The following PHKB variants were observed in gnomAD, a reference collection of about 807,000 sequenced individuals.
The protein encoded by PHKB is phosphorylase b kinase regulatory subunit beta.
In PHKB, 122 loss-of-function variants were observed where a neutral mutation model predicts 152.1. That is an observed-to-expected ratio of 0.80 (90% confidence interval 0.69 to 0.93). PHKB has a LOEUF of 0.93. PHKB is among the 40% of genes least tolerant of loss of function. The probability of loss-of-function intolerance (pLI) is 0.00; values close to 1 mark genes in which losing one functional copy is unlikely to be tolerated. For missense variants in PHKB, 1,304 were observed against 1,328.4 expected (o/e 0.98, Z 0.29); for synonymous variants, 436 against 464.9 (o/e 0.94, Z 0.80).
At chr16:47,582,422 G>A (rs184987324) in intron 8 of PHKB, among the ~76,000 whole-genome samples, 66 of 152,128 alleles carry the variant, frequency 4.3e-4, no homozygotes, top group Admixed American at 1.4e-3. Flanking sequence ...TTCTAAAATC[G>A]CTAAATTACT....
intron 16 of PHKB, among the ~76,000 whole-genome samples, chr16:47,643,001 G>T (rs1482364282): frequency 6.6e-6 from 1 of 152,144 alleles, no homozygotes; most frequent in African/African-American, 2.4e-5. Context: ...ACACTTTTAT[G>T]CTCTCCTGCT....
chr16:47,674,554 A>G (rs549730668), intron 26 of PHKB, among the ~76,000 whole-genome samples: 2 of 152,310 alleles, frequency 1.3e-5, no homozygotes, highest in Non-Finnish European at 2.9e-5. Flanking sequence ...AGCTTTCTGA[A>G]ATGTAAACCT....
chr16:47,464,698 A>G (rs980769707), intron 1 of PHKB, among the ~76,000 whole-genome samples: 1 of 152,204 alleles, frequency 6.6e-6, no homozygotes, highest in Non-Finnish European at 1.5e-5. Context: ...ATTCAGTGTC[A>G]CTTTACAGAA....
intron 28 of PHKB, among the ~76,000 whole-genome samples, chr16:47,695,558 C>A (rs1269244547): frequency 6.6e-6 from 1 of 152,136 alleles, no homozygotes; most frequent in Non-Finnish European, 1.5e-5. Context: ...ACATTGGGTC[C>A]CATTTTGAGT....
intron 13 of PHKB, among the ~76,000 whole-genome samples, chr16:47,601,708 A>G: frequency 6.6e-6 from 1 of 152,032 alleles, no homozygotes; most frequent in African/African-American, 2.4e-5. Context: ...CCATCTCAAA[A>G]AAAAAAAAAA....
At chr16:47,650,683 C>T in intron 19 of PHKB, 57 bp downstream of exon 19, 1 of 1,342,578 alleles carries the variant, frequency 7.4e-7, no homozygotes, top group East Asian at 2.3e-5. Context: ...CACAGTGAGC[C>T]CTTGGGAAGA....
chr16:47,465,902 A>G (rs1969660539), intron 1 of PHKB, among the ~76,000 whole-genome samples: 1 of 152,212 alleles, frequency 6.6e-6, no homozygotes, highest in South Asian at 2.1e-4. Context: ...TCCTTGCTTC[A>G]CAGCTGAGCT....
At chr16:47,467,353 T>A (rs1204492895) in intron 1 of PHKB, among the ~76,000 whole-genome samples, 3 of 152,224 alleles carry the variant, frequency 2.0e-5, no homozygotes, top group Admixed American at 6.5e-5. Context: ...CTCCATTTTG[T>A]AAATTTAGCT....
intron 25 of PHKB, chr16:47,665,990 C>G: frequency 1.2e-6 from 2 of 1,613,910 alleles, no homozygotes; most frequent in Non-Finnish European, 1.7e-6. Flanking sequence ...TAGTGGACAG[C>G]CTGGCCCCAT....
At chr16:47,654,960 AT>A (rs1260206850) in intron 20 of PHKB, among the ~76,000 whole-genome samples, 7 of 149,702 alleles carry the variant, frequency 4.7e-5, no homozygotes, top group African/African-American at 1.5e-4. Context: ...TAATAAAAAA[AT>A]AAATAAAGAA....
intron 13 of PHKB, among the ~76,000 whole-genome samples, chr16:47,607,770 C>A (rs1024180837): frequency 6.6e-6 from 1 of 152,192 alleles, no homozygotes; most frequent in Non-Finnish European, 1.5e-5. Context: ...TTTTCCAAAG[C>A]TGCTGTATCA....
intron 7 of PHKB, among the ~76,000 whole-genome samples, chr16:47,550,188 C>T (rs1479514268): frequency 1.3e-5 from 2 of 152,172 alleles, no homozygotes; most frequent in Non-Finnish European, 2.9e-5. Context: ...GAGAGTTGAA[C>T]TCCATGTGCT....
chr16:47,550,005 T>C (rs1288154211), intron 7 of PHKB, among the ~76,000 whole-genome samples: 2 of 152,198 alleles, frequency 1.3e-5, no homozygotes, highest in East Asian at 3.8e-4. Context: ...GATGATGGGT[T>C]TTATACTTTA....
At chr16:47,513,676 A>T (rs1183258368) in intron 5 of PHKB, among the ~76,000 whole-genome samples, 2 of 152,190 alleles carry the variant, frequency 1.3e-5, no homozygotes, top group African/African-American at 4.8e-5. Flanking sequence ...GAGGAGAGTC[A>T]TGGGAGACAT....
intron 1 of PHKB, among the ~76,000 whole-genome samples, chr16:47,476,754 A>C (rs1969875634): frequency 6.6e-6 from 1 of 152,084 alleles, no homozygotes; most frequent in Admixed American, 6.5e-5. Flanking sequence ...GATTGTTTTG[A>C]CCCAAACTAG....
intron 22 of PHKB, 86 bp downstream of exon 22, chr16:47,660,905 T>C: frequency 7.3e-7 from 1 of 1,362,974 alleles, no homozygotes; most frequent in Non-Finnish European, 1.0e-6. Flanking sequence ...CTTTTTGTCC[T>C]GTCAGTGAAG....
intron 2 of PHKB, among the ~76,000 whole-genome samples, chr16:47,498,353 C>T (rs905770417): frequency 6.6e-6 from 1 of 151,932 alleles, no homozygotes; most frequent in East Asian, 1.9e-4. Context: ...TAATAAATAC[C>T]CTGGTTTTCT....
At chr16:47,583,717 C>T (rs758001006) in intron 8 of PHKB, among the ~76,000 whole-genome samples, 7 of 151,982 alleles carry the variant, frequency 4.6e-5, no homozygotes, top group Non-Finnish European at 8.8e-5. Flanking sequence ...AAAACCAATG[C>T]CACTCCATAA....
At chr16:47,589,928 G>A (rs966304796) in intron 10 of PHKB, among the ~76,000 whole-genome samples, 3 of 152,152 alleles carry the variant, frequency 2.0e-5, no homozygotes, top group African/African-American at 7.2e-5. Context: ...GGGATTACAG[G>A]CACATGCCAC....
Sources: gnomAD v4.1 joint callset for allele counts (sites outside exome capture counted in the v4.1 genomes callset) on GRCh38, gnomAD v4.1.1 for gene constraint, MANE v1.5 for transcripts, NCBI Gene and HGNC (gene_info 2026-07-23, HGNC 2026-07-21) for gene names.